LRRTM3: variants seen among roughly 807,000 people sequenced by gnomAD.
The protein encoded by LRRTM3 is leucine rich repeat transmembrane neuronal 3, also known as leucine-rich repeat transmembrane neuronal protein 3.
Under a neutral mutation model 44.7 loss-of-function variants are expected in LRRTM3, and 24 were observed. The ratio of observed to expected loss-of-function variants is 0.54; its 90% CI spans 0.39 to 0.76. The LOEUF (loss-of-function observed/expected upper bound fraction) is 0.76, where lower values mean the gene tolerates loss of function less well. Among genes scored for constraint, LRRTM3 ranks in the 30% least tolerant of loss-of-function variants. LRRTM3 has a pLI of 0.00. For synonymous variants in LRRTM3, 277 were observed against 278.7 expected, an observed-to-expected ratio of 0.99 and a Z score of 0.06; for missense variants, 587 against 702.2, an observed-to-expected ratio of 0.84 and a Z score of 1.85.
At chr10:66,967,351 G>T (rs975103368) in intron 2 of LRRTM3, among the ~76,000 whole-genome samples, 1 of 151,128 alleles carries the variant, frequency 6.6e-6, no homozygotes, top group Non-Finnish European at 1.5e-5. Flanking sequence ...TATATAGATA[G>T]ATAGATAGAT....
rs1296414391 is a variant in LRRTM3 at position 67,017,729 on chromosome 10, G to A, written c.1537-79858G>A. On this transcript the variant is annotated intron_variant, in intron 2 of 2. Coordinates refer to ENST00000361320, the MANE Select transcript of LRRTM3 (RefSeq NM_178011.5). The stretch of plus-strand genomic sequence containing the variant: ...ATGTGATGTCACAAAAATCATCTGT[G>A]TGTGTGTGTGTGTGTGTGTGTGTGC... 6.8e-3 allele frequency among the ~76,000 whole-genome samples: 763 copies of A among 112,414 alleles called. 7 individuals are homozygous for A. Among genetic ancestry groups the A allele is most frequent in the African/African-American group, 0.024 (721 of 30,288 alleles). 73.7% of individuals were successfully genotyped at this position (112,414 alleles called of 152,430 possible).
At position 66,980,966 on chromosome 10, in the gene LRRTM3, G is replaced by C. The variant is rs140103173; in HGVS notation, c.1536+52514G>C. Among the ~76,000 whole-genome samples, 650 of 152,214 alleles carry C rather than the reference G, an allele frequency of 4.3e-3. 5 individuals carry two copies. The highest frequency in any genetic ancestry group is 0.014 in the African/African-American group (566 of 41,528). ...TTGTTGCCCAGGCTGGAGTGCGATG[G>C]TGTGATTTCGGCTCACCCCAACCTC... On this transcript the variant is annotated intron_variant, in intron 2 of 2. Transcript: ENST00000361320.
chr10:67,024,526 T>C (rs78510093), intron 2 of LRRTM3, among the ~76,000 whole-genome samples: 2,132 of 152,298 alleles, frequency 0.014, 64 homozygotes, highest in African/African-American at 0.049. Context: ...TTATTTGGCC[T>C]ACCATAAGAC....
intron 2 of LRRTM3, among the ~76,000 whole-genome samples, chr10:66,945,538 T>A (rs1027453258): frequency 6.6e-6 from 1 of 152,172 alleles, no homozygotes; most frequent in Non-Finnish European, 1.5e-5. Context: ...GTTCTCCATA[T>A]CAGCAATAAG....
At chr10:66,967,411 C>A (rs763536996) in intron 2 of LRRTM3, among the ~76,000 whole-genome samples, 1 of 151,450 alleles carries the variant, frequency 6.6e-6, no homozygotes, top group Admixed American at 6.6e-5. Flanking sequence ...TATATACACA[C>A]ATGCATATAT....
At chr10:66,978,960 CTTTTTTT>C (rs34112681) in intron 2 of LRRTM3, among the ~76,000 whole-genome samples, 1 of 83,782 alleles carries the variant, frequency 1.2e-5, no homozygotes, top group African/African-American at 4.5e-5. Flanking sequence ...TACTTATTTC[CTTTTTTT>C]TTTTTTTTTT....
chr10:67,010,697 C>A (rs181563677), intron 2 of LRRTM3, among the ~76,000 whole-genome samples: 1 of 152,306 alleles, frequency 6.6e-6, no homozygotes, highest in Non-Finnish European at 1.5e-5. Context: ...TATAGCCATG[C>A]AAGAAAGAAG....
intron 2 of LRRTM3, among the ~76,000 whole-genome samples, chr10:66,962,931 C>T (rs1423501148): frequency 6.6e-6 from 1 of 152,108 alleles, no homozygotes. Context: ...ACAGATCTCT[C>T]CCCAGTGCCT....
intron 2 of LRRTM3, among the ~76,000 whole-genome samples, chr10:66,990,283 TGTGG>T (rs941588546): frequency 6.6e-6 from 1 of 152,170 alleles, no homozygotes; most frequent in Non-Finnish European, 1.5e-5. Context: ...ACTGTAGTGC[TGTGG>T]CCAGGTGAAG....
intron 2 of LRRTM3, among the ~76,000 whole-genome samples, chr10:66,943,686 G>A (rs1294545787): frequency 1.3e-5 from 2 of 152,136 alleles, no homozygotes; most frequent in Non-Finnish European, 2.9e-5. Flanking sequence ...CTTTTGTACA[G>A]CAGGGGAAAA....
At chr10:66,983,888 G>T (rs185854284) in intron 2 of LRRTM3, among the ~76,000 whole-genome samples, 2 of 152,316 alleles carry the variant, frequency 1.3e-5, no homozygotes, top group Admixed American at 6.5e-5. Context: ...CACTTGCTAG[G>T]TGATAGGCTC....
intron 2 of LRRTM3, among the ~76,000 whole-genome samples, chr10:66,940,254 C>G (rs1216353247): frequency 1.3e-5 from 2 of 152,078 alleles, no homozygotes; most frequent in African/African-American, 4.8e-5. Context: ...AGGCCCAGCA[C>G]TTTGGGAGGC....
intron 2 of LRRTM3, among the ~76,000 whole-genome samples, chr10:67,080,936 CAAA>C (rs58476986): frequency 3.2e-5 from 1 of 31,430 alleles, no homozygotes; most frequent in Non-Finnish European, 5.7e-5. Context: ...AAAAAAACAA[CAAA>C]AAAAAAAAAA....
intron 2 of LRRTM3, among the ~76,000 whole-genome samples, chr10:67,080,899 ACT>A: frequency 6.7e-6 from 1 of 148,240 alleles, no homozygotes; most frequent in Non-Finnish European, 1.5e-5. Flanking sequence ...AGAGAGCGAG[ACT>A]CTGTCTGAAA....
intron 2 of LRRTM3, among the ~76,000 whole-genome samples, chr10:66,988,483 A>G (rs1473462931): frequency 6.6e-6 from 1 of 152,148 alleles, no homozygotes; most frequent in Admixed American, 6.6e-5. Flanking sequence ...ACTGAGTGGA[A>G]AAGCTCCAAC....
At chr10:67,060,835 A>T (rs1353426336) in intron 2 of LRRTM3, among the ~76,000 whole-genome samples, 1 of 148,582 alleles carries the variant, frequency 6.7e-6, no homozygotes, top group Non-Finnish European at 1.5e-5. Context: ...CATATATGAC[A>T]TGAAAAAGAA....
rs182520448 is a variant in LRRTM3 at position 67,085,066 on chromosome 10, T to C, written c.1537-12521T>C. ...TCAAATTTGCTGTCCAAATATGGTC[T>C]GAATTATTTTTAATTTTTAATTGCA... On this transcript the variant is annotated intron_variant, in intron 2 of 2. Coordinates refer to ENST00000361320, the MANE Select transcript of LRRTM3 (RefSeq NM_178011.5). Among the ~76,000 whole-genome samples, 267 of 152,096 alleles carry C rather than the reference T, an allele frequency of 1.8e-3. 1 individual carries two copies. The highest frequency in any genetic ancestry group is 6.1e-3 in the African/African-American group (252 of 41,564).
At position 66,926,428 on chromosome 10, in the gene LRRTM3, T is replaced by G. The variant is rs1847077136; in HGVS notation, c.-156T>G. On this transcript the variant is annotated 5_prime_UTR_variant, in exon 1 of 3. The change abolishes an upstream ATG in the 5' untranslated region. Coordinates refer to ENST00000361320, the MANE Select transcript of LRRTM3 (RefSeq NM_178011.5). ...GTTCTGCGTGGCTGGCAAAGAATAA[T>G]GTTCCAAAATCGGTCCATCTCCCAA... 4 of 740,662 alleles carry G rather than the reference T, an allele frequency of 5.4e-6. No individual in the cohort carries two copies. The highest frequency in any genetic ancestry group is 9.5e-6 in the Non-Finnish European group (4 of 421,004). The allele number at this position is 740,662 out of a possible 1,614,324, so 45.9% of individuals were successfully genotyped here.
intron 2 of LRRTM3, among the ~76,000 whole-genome samples, chr10:67,077,293 G>A (rs138878061): frequency 1.3e-5 from 2 of 152,148 alleles, no homozygotes; most frequent in Admixed American, 6.5e-5. Context: ...TATCACTCTC[G>A]TGCTTAAATC....
Sources: allele counts gnomAD v4.1 joint callset (sites outside exome capture counted in the v4.1 genomes callset), GRCh38; gene constraint gnomAD v4.1.1; transcripts MANE v1.5; gene names NCBI Gene and HGNC (gene_info 2026-07-23, HGNC 2026-07-21).